The following SYNE2 variants were observed in gnomAD, a reference collection of about 807,000 sequenced individuals.
The protein encoded by SYNE2 is spectrin repeat containing nuclear envelope protein 2, also known as nesprin-2.
A neutral mutation model predicts 856.3 loss-of-function variants in SYNE2; 431 were observed. The observed-to-expected ratio is 0.50, with a 90% CI of 0.47 to 0.55. SYNE2 has a LOEUF of 0.55. SYNE2 is among the 20% of genes least tolerant of loss of function. The pLI is 0.00. For synonymous variants in SYNE2, 2,923 were observed against 2,872.3 expected (o/e 1.02, Z -0.56); for missense variants, 8,129 against 8,023.2 (o/e 1.01, Z -0.50).
chr14:64,130,105 C>A lies in SYNE2; in HGVS notation c.14197C>A (p.Pro4733Thr), dbSNP rs75568433. The change falls in exon 76 of 116, where the codon CCT becomes ACT. Residue 4733 changes from proline to threonine, a missense_variant. By Grantham distance (38) the Pro-to-Thr change is conservative. This residue lies in a region of SYNE2 where 5,410 missense variants were observed against 5,284.8 expected (regional missense o/e 1.02). Transcript: ENST00000555002. Reference protein sequence around the residue: ...LRARYTELSSPFVTESQQDAL... With the variant: ...LRARYTELSSTFVTESQQDAL... ...AGCCAGGTACACAGAACTCAGCAGC[C>A]CTTTCGTCACTGAGAGCCAGCAAGA... The A allele has an allele frequency of 0.015, 23,997 of 1,614,150 alleles. 227 individuals carry two copies. The highest frequency in any genetic ancestry group is 0.018 in the Non-Finnish European group (21,591 of 1,180,028).
At chr14:64,205,769 G>A (rs1385556990) in intron 100 of SYNE2, among the ~76,000 whole-genome samples, 7 of 152,086 alleles carry the variant, frequency 4.6e-5, no homozygotes, top group Admixed American at 6.5e-5. Context: ...CTTAAATCAC[G>A]AACCACTTTC....
Position 63,978,861 on chromosome 14 carries a change from C to T in SYNE2, c.1416C>T (p.Asn472=), listed in dbSNP as rs1467908946. The change falls in exon 14 of 116, where the codon AAC becomes AAT. Residue 472 remains asparagine, a synonymous_variant. Coordinates refer to ENST00000555002, the MANE Select transcript of SYNE2 (RefSeq NM_182914.3). Reference sequence around the variant, plus strand: ...CTGCACTGTTTTCCAGAATCAACAACATTTTGGAGAAAAAATTTATTCTAC... The same window carrying T: ...CTGCACTGTTTTCCAGAATCAACAATATTTTGGAGAAAAAATTTATTCTAC... The part of the protein sequence containing the change: ...KLEEMKRRIN[N]ILEKKFILLL... The T allele has an allele frequency of 6.2e-7, 1 of 1,612,300 alleles. No homozygotes were observed. Among genetic ancestry groups the T allele is most frequent in the East Asian group, 2.2e-5 (1 of 44,768 alleles).
chr14:64,159,512 T>C (rs1277024957), intron 87 of SYNE2, 70 bp downstream of exon 87: 1 of 1,568,160 alleles, frequency 6.4e-7, no homozygotes, highest in East Asian at 2.3e-5. Flanking sequence ...TGAGGGGGCA[T>C]AGGCATTGTA....
intron 51 of SYNE2, among the ~76,000 whole-genome samples, chr14:64,068,264 C>G (rs979182711): frequency 3.3e-5 from 5 of 152,166 alleles, no homozygotes. Flanking sequence ...CTAGAAGTTT[C>G]CCTCGTTCCT....
chr14:64,172,456 G>A (rs2098415667), intron 94 of SYNE2, among the ~76,000 whole-genome samples: 2 of 152,288 alleles, frequency 1.3e-5, no homozygotes, highest in Admixed American at 6.5e-5. Flanking sequence ...TCTCTGTTGT[G>A]TTACCACGTG....
chr14:64,033,884 G>A (rs2097063117), intron 45 of SYNE2, among the ~76,000 whole-genome samples: 2 of 151,978 alleles, frequency 1.3e-5, no homozygotes, highest in Non-Finnish European at 1.5e-5. Context: ...CAGATAACTA[G>A]TTTTTATTCT....
chr14:63,953,517 GATAA>G (rs1391724709), intron 7 of SYNE2, among the ~76,000 whole-genome samples: 7 of 123,880 alleles, frequency 5.7e-5, no homozygotes, highest in South Asian at 3.2e-4. Flanking sequence ...GATGTTGATT[GATAA>G]ATAGATAGAT....
At chr14:63,838,663 T>G (rs1889943985) in intron 1 of SYNE2, among the ~76,000 whole-genome samples, 2 of 152,058 alleles carry the variant, frequency 1.3e-5, no homozygotes. Flanking sequence ...CACGCATAAC[T>G]GAGCTTGGCT....
rs745622552 is a variant in SYNE2 at position 64,080,505 on chromosome 14, A to G, written c.11213A>G (p.Asp3738Gly). 4 of 1,614,098 alleles carry G rather than the reference A, an allele frequency of 2.5e-6. No individual in the cohort carries two copies. Among genetic ancestry groups the G allele is most frequent in the African/African-American group, 1.3e-5 (1 of 74,922 alleles). The change falls in exon 56 of 116, where the codon GAT becomes GGT. Residue 3738 changes from aspartate to glycine, a missense_variant. This residue lies in a region of SYNE2 where 5,410 missense variants were observed against 5,284.8 expected (regional missense o/e 1.02). Coordinates refer to ENST00000555002, the MANE Select transcript of SYNE2 (RefSeq NM_182914.3). ...DLWHSKLNEL[D>G]SEVQDIVEQD... ...TGGCATTCCAAACTAAATGAGCTGG[A>G]TTCTGAAGTTCAGGACATTGTTGAA...
intron 11 of SYNE2, among the ~76,000 whole-genome samples, chr14:63,974,411 G>A (rs1566947375): frequency 6.6e-6 from 1 of 152,096 alleles, no homozygotes; most frequent in East Asian, 1.9e-4. Context: ...GACAGAGAGA[G>A]AAAGGAGGTG....
chr14:63,814,266 T>TCTTAAAAAAAAACA (rs1888736798), intron 1 of SYNE2, among the ~76,000 whole-genome samples: 3 of 150,348 alleles, frequency 2.0e-5, no homozygotes, highest in Non-Finnish European at 4.4e-5. Flanking sequence ...CGAGGCTCTG[T>TCTTAAAAAAAAACA]CTTAAAAAAA....
chr14:64,219,196 T>G lies in SYNE2; in HGVS notation c.19658-12T>G, dbSNP rs1358896945. 1 of 1,613,232 alleles carries G rather than the reference T, an allele frequency of 6.2e-7. No homozygotes were observed. The highest frequency in any genetic ancestry group is 8.5e-7 in the Non-Finnish European group (1 of 1,179,864). On this transcript the variant is annotated splice_polypyrimidine_tract_variant and intron_variant, in intron 109 of 115. Transcript: ENST00000555002. ...TTATTGCTTTTTTTAATTGGCGATTTTTTAATTCCAGGTGCCTTCGACAGA... is the reference window on the plus strand; with the variant it reads ...TTATTGCTTTTTTTAATTGGCGATTGTTTAATTCCAGGTGCCTTCGACAGA...
chr14:63,920,650 A>C (rs2095588669), intron 2 of SYNE2, among the ~76,000 whole-genome samples: 1 of 151,648 alleles, frequency 6.6e-6, no homozygotes, highest in African/African-American at 2.4e-5. Context: ...GGAGGCAGAA[A>C]GACCAGCATA....
intron 45 of SYNE2, among the ~76,000 whole-genome samples, chr14:64,037,588 C>A (rs891368823): frequency 2.6e-5 from 4 of 151,890 alleles, no homozygotes; most frequent in African/African-American, 7.2e-5. Context: ...ACCTTTCCCC[C>A]CTTTCTATTC....
chr14:64,098,920 A>T (rs753662711), intron 63 of SYNE2, 99 bp downstream of exon 63: 7 of 1,168,978 alleles, frequency 6.0e-6, no homozygotes, highest in African/African-American at 1.5e-5. Flanking sequence ...AAGAATTTTT[A>T]AAATTAATGT....
In SYNE2 at chr14:63,995,730, C is replaced by CATCTATCTATCTATCTATCT. The variant is rs373410347; in HGVS notation, c.2940+546_2940+565dup. On this transcript the variant is annotated intron_variant, in intron 23 of 115. Transcript: ENST00000555002. Reference sequence around the variant, plus strand: ...TGCTTTATATAATTCTATATCTATCCATCTATCTATCTATCTATCTATCTA... The same window carrying CATCTATCTATCTATCTATCT: ...TGCTTTATATAATTCTATATCTATCCATCTATCTATCTATCTATCTATCTATCTATCTATCTATCTATCTA... 5.4e-3 allele frequency among the ~76,000 whole-genome samples: 612 copies of CATCTATCTATCTATCTATCT among 113,516 alleles called. 6 individuals carry two copies. Among genetic ancestry groups the CATCTATCTATCTATCTATCT allele is most frequent in the South Asian group, 5.7e-3 (24 of 4,226 alleles). 74.5% of individuals were successfully genotyped at this position (113,516 alleles called of 152,430 possible).
intron 27 of SYNE2, among the ~76,000 whole-genome samples, chr14:64,000,321 T>C (rs1338045755): frequency 6.6e-6 from 1 of 152,224 alleles, no homozygotes; most frequent in Admixed American, 6.5e-5. Flanking sequence ...TTGGGTACCT[T>C]TGAAAGCTGC....
intron 93 of SYNE2, 47 bp from the exon 94 acceptor site, chr14:64,170,181 T>G (rs1389240082): frequency 6.3e-7 from 1 of 1,585,166 alleles, no homozygotes; most frequent in Non-Finnish European, 8.7e-7. Context: ...TAGTTATTTT[T>G]TCTACATGTC....
chr14:63,805,700 G>A (rs1163557017), intron 1 of SYNE2, among the ~76,000 whole-genome samples: 1 of 152,180 alleles, frequency 6.6e-6, no homozygotes, highest in Non-Finnish European at 1.5e-5. Flanking sequence ...TCACTGCCCG[G>A]TTAGCTGAAT....
Sources: allele counts gnomAD v4.1 joint callset (sites outside exome capture counted in the v4.1 genomes callset), GRCh38; gene constraint gnomAD v4.1.1; regional missense constraint gnomAD v4.1.1; transcripts MANE v1.5; gene names NCBI Gene and HGNC (gene_info 2026-07-23, HGNC 2026-07-21).